The following AGTR1 variants were observed in gnomAD, a reference collection of about 807,000 sequenced individuals.
AGTR1 encodes the protein angiotensin II receptor type 1, also known as type-1 angiotensin II receptor.
In AGTR1, 16 loss-of-function variants were observed where a neutral mutation model predicts 19.4. That is an observed-to-expected ratio of 0.82 (90% CI 0.56 to 1.25). The LOEUF (loss-of-function observed/expected upper bound fraction) is 1.25, where lower values mean the gene tolerates loss of function less well. Among genes scored for constraint, AGTR1 ranks in the 50% most tolerant of loss-of-function variants. AGTR1 has a pLI of 0.00. For missense variants in AGTR1, 373 were observed against 431.9 expected, an observed-to-expected ratio of 0.86 and a Z score of 1.21; for synonymous variants, 153 against 154.9, an observed-to-expected ratio of 0.99 and a Z score of 0.09.
chr3:148,712,696 T>C (rs1324041701), intron 2 of AGTR1, among the ~76,000 whole-genome samples: 16 of 152,220 alleles, frequency 1.1e-4, no homozygotes, highest in Admixed American at 9.8e-4. Flanking sequence ...TCCAGTCTGC[T>C]TTGGGAAAGT....
intron 2 of AGTR1, among the ~76,000 whole-genome samples, chr3:148,737,749 CT>C (rs1238403286): frequency 6.6e-6 from 1 of 152,038 alleles, no homozygotes; most frequent in African/African-American, 2.4e-5. Context: ...AAATTTGTTT[CT>C]TTATTGGGCA....
At position 148,726,598 on chromosome 3, in the gene AGTR1, G is replaced by A. The variant is rs369451851; in HGVS notation, c.-47-14391G>A. Among the ~76,000 whole-genome samples, 26 of 152,194 alleles carry A rather than the reference G, an allele frequency of 1.7e-4. No homozygotes were observed. In the South Asian group the frequency reaches 5.0e-3, roughly 29 times the overall value. ...TTTTGTGTGTTAAGATTCAGCATCA[G>A]CATTCATGATATCTTTTCACTCTTA... On this transcript the variant is annotated intron_variant, in intron 2 of 2. Transcript: ENST00000349243.
intron 1 of AGTR1, among the ~76,000 whole-genome samples, chr3:148,703,782 A>C (rs968060339): frequency 6.6e-5 from 10 of 152,014 alleles, no homozygotes; most frequent in Non-Finnish European, 1.5e-5. Context: ...TTGAAAATTT[A>C]TTTAAAGTTT....
chr3:148,740,668 G>A (rs1274448094), intron 2 of AGTR1, among the ~76,000 whole-genome samples: 1 of 152,138 alleles, frequency 6.6e-6, no homozygotes, highest in Non-Finnish European at 1.5e-5. Flanking sequence ...TAAGATTTAG[G>A]TTATGTTTTT....
chr3:148,713,001 G>A (rs182623720), intron 2 of AGTR1, among the ~76,000 whole-genome samples: 12 of 152,066 alleles, frequency 7.9e-5, no homozygotes, highest in Admixed American at 1.3e-4. Context: ...TTAAATAGAT[G>A]GATGAATTAG....
intron 2 of AGTR1, among the ~76,000 whole-genome samples, chr3:148,724,364 C>T (rs572858057): frequency 1.3e-5 from 2 of 152,096 alleles, no homozygotes; most frequent in Admixed American, 1.3e-4. Context: ...TACAAGGACT[C>T]TCTTATGAAT....
chr3:148,730,722 T>C (rs1458188354), intron 2 of AGTR1, among the ~76,000 whole-genome samples: 3 of 152,198 alleles, frequency 2.0e-5, no homozygotes, highest in Non-Finnish European at 4.4e-5. Flanking sequence ...TAAAAACAGC[T>C]TGCCGAACCC....
At chr3:148,699,624 C>T (rs1712204340) in intron 1 of AGTR1, among the ~76,000 whole-genome samples, 1 of 152,126 alleles carries the variant, frequency 6.6e-6, no homozygotes, top group Admixed American at 6.5e-5. Flanking sequence ...AAGTCTCTGC[C>T]CATAAGGTTC....
chr3:148,698,264 G>A (rs982320915), intron 1 of AGTR1, 137 bp downstream of exon 1: 3 of 152,456 alleles, frequency 2.0e-5, no homozygotes, highest in African/African-American at 7.2e-5. Context: ...CGTAGTTCTG[G>A]TCAGCGCCTG....
rs1330418234 is a variant in AGTR1 at position 148,716,241 on chromosome 3, C to T, written c.-48+8214C>T. On this transcript the variant is annotated intron_variant, in intron 2 of 2. Transcript: ENST00000349243. The surrounding 1 kb of genome is among the most constrained non-coding windows in gnomAD (Gnocchi z 4.7). ...TAGTCTACCCTATCCCACAACGGAA[C>T]CATACTTCTCTCATGGAAGCCCTGG... 3.9e-5 allele frequency among the ~76,000 whole-genome samples: 6 copies of T among 152,122 alleles called. No individual in the cohort carries two copies. The highest frequency in any genetic ancestry group is 1.4e-4 in the African/African-American group (6 of 41,430).
intron 2 of AGTR1, among the ~76,000 whole-genome samples, chr3:148,738,193 C>T (rs1714676550): frequency 6.6e-6 from 1 of 152,120 alleles, no homozygotes; most frequent in African/African-American, 2.4e-5. Flanking sequence ...TCCCTGTTCT[C>T]ATAGCTCAGG....
At chr3:148,728,661 C>T (rs563925347) in intron 2 of AGTR1, among the ~76,000 whole-genome samples, 5 of 152,044 alleles carry the variant, frequency 3.3e-5, no homozygotes, top group Admixed American at 2.0e-4. Context: ...AATATTTCTC[C>T]GAGAGGTGGA....
intron 2 of AGTR1, among the ~76,000 whole-genome samples, chr3:148,733,859 C>T (rs1576537917): frequency 1.3e-5 from 2 of 152,300 alleles, no homozygotes; most frequent in Middle Eastern, 3.4e-3. Context: ...TCTGGAGTCT[C>T]CTCTCTCCAG....
At chr3:148,718,977 GA>G (rs1253289424) in intron 2 of AGTR1, among the ~76,000 whole-genome samples, 1 of 152,204 alleles carries the variant, frequency 6.6e-6, no homozygotes, top group African/African-American at 2.4e-5. Flanking sequence ...AATAACAGGG[GA>G]GACTCAGTCT....
chr3:148,713,693 G>T (rs963062192), intron 2 of AGTR1, among the ~76,000 whole-genome samples: 1 of 152,118 alleles, frequency 6.6e-6, no homozygotes, highest in Non-Finnish European at 1.5e-5. Flanking sequence ...AAAAAACCCA[G>T]TATGACTTAG....
chr3:148,698,492 G>A (rs1435297268), intron 1 of AGTR1, among the ~76,000 whole-genome samples: 2 of 152,148 alleles, frequency 1.3e-5, no homozygotes, highest in Admixed American at 6.5e-5. Context: ...TCATCTGAGC[G>A]GGAAGCCGGT....
intron 1 of AGTR1, among the ~76,000 whole-genome samples, chr3:148,701,202 A>G (rs1401637704): frequency 6.6e-6 from 1 of 152,242 alleles, no homozygotes; most frequent in Non-Finnish European, 1.5e-5. Flanking sequence ...CTTATAATTT[A>G]AAGAACTATA....
intron 2 of AGTR1, among the ~76,000 whole-genome samples, chr3:148,712,812 C>G (rs905326869): frequency 6.6e-6 from 1 of 152,086 alleles, no homozygotes; most frequent in Admixed American, 6.6e-5. Flanking sequence ...AACACTGAAC[C>G]ATTAATGAAT....
At chr3:148,698,606 C>G (rs537318309) in intron 1 of AGTR1, among the ~76,000 whole-genome samples, 2 of 152,270 alleles carry the variant, frequency 1.3e-5, no homozygotes, top group African/African-American at 4.8e-5. Flanking sequence ...CCCTGCACTG[C>G]TCACGTCCCT....
Sources: allele counts gnomAD v4.1 joint callset (sites outside exome capture counted in the v4.1 genomes callset), GRCh38; gene constraint gnomAD v4.1.1; non-coding constraint Gnocchi (gnomAD v3.1); transcripts MANE v1.5; gene names NCBI Gene and HGNC (gene_info 2026-07-23, HGNC 2026-07-21).